The following SLX4IP variants were observed in gnomAD, a reference collection of about 807,000 sequenced individuals.
The protein encoded by SLX4IP is SLX4 interacting protein.
SLX4IP carries 34 observed loss-of-function variants against 32.9 expected under a neutral mutation model. The observed-to-expected ratio is 1.03, with a 90% CI of 0.79 to 1.38. The LOEUF (loss-of-function observed/expected upper bound fraction) is 1.38. SLX4IP is among the 40% of genes most tolerant of loss of function. The probability of loss-of-function intolerance (pLI) is 0.00; values close to 1 mark genes in which losing one functional copy is unlikely to be tolerated. For synonymous variants in SLX4IP, 172 were observed against 171.7 expected (o/e 1.00, Z -0.01); for missense variants, 444 against 479.0 (o/e 0.93, Z 0.68).
intron 6 of SLX4IP, among the ~76,000 whole-genome samples, chr20:10,618,590 G>A (rs1488462350): frequency 6.6e-6 from 1 of 152,144 alleles, no homozygotes; most frequent in Non-Finnish European, 1.5e-5. Context: ...TAATACCTGA[G>A]TCTCCATGGA....
At chr20:10,528,845 C>T (rs903880716) in intron 2 of SLX4IP, among the ~76,000 whole-genome samples, 4 of 152,180 alleles carry the variant, frequency 2.6e-5, no homozygotes, top group East Asian at 1.9e-4. Context: ...TTTTGTAATT[C>T]GGGATTTTTC....
chr20:10,604,091 G>C (rs4277587), intron 6 of SLX4IP, among the ~76,000 whole-genome samples: 110,722 of 152,086 alleles, frequency 0.73, 40,950 homozygotes, highest in African/African-American at 0.86. Flanking sequence ...CCCTGGACTT[G>C]CTTCAAGCTT....
At chr20:10,567,953 C>A (rs1028805487) in intron 4 of SLX4IP, among the ~76,000 whole-genome samples, 1 of 152,170 alleles carries the variant, frequency 6.6e-6, no homozygotes, top group Middle Eastern at 3.2e-3. Flanking sequence ...TCATAACTGG[C>A]GAGTGAAGCT....
chr20:10,485,454 A>G (rs899429821), intron 2 of SLX4IP, among the ~76,000 whole-genome samples: 4 of 152,000 alleles, frequency 2.6e-5, no homozygotes, highest in African/African-American at 7.2e-5. Context: ...TGTCTCTACT[A>G]AAAAAACAAA....
rs1230907050 is a variant in SLX4IP, at chr20:10,624,582, A to T, written c.*1203A>T. Reference sequence around the variant, plus strand: ...CATCTTTTTTTTTTTTCTGTTCAACATGGGGTGGTCCTTTGAAATGGCACC... The same window carrying T: ...CATCTTTTTTTTTTTTCTGTTCAACTTGGGGTGGTCCTTTGAAATGGCACC... On this transcript the variant is annotated 3_prime_UTR_variant, in exon 8 of 8. Coordinates refer to ENST00000334534, the MANE Select transcript of SLX4IP (RefSeq NM_001009608.3). 1 of 151,934 alleles carries T rather than the reference A, an allele frequency of 6.6e-6. No homozygotes were observed. The highest frequency in any genetic ancestry group is 1.5e-5 in the Non-Finnish European group (1 of 67,984). The allele number at this position is 151,934 out of a possible 1,614,324, so 9.4% of individuals were successfully genotyped here.
chr20:10,474,576 G>A (rs974786423), intron 2 of SLX4IP, among the ~76,000 whole-genome samples: 4 of 151,114 alleles, frequency 2.6e-5, no homozygotes, highest in South Asian at 2.1e-4. Context: ...TTTTTCCCCC[G>A]CTCCCATTTG....
chr20:10,518,543 TTC>T, intron 2 of SLX4IP, among the ~76,000 whole-genome samples: 1 of 92,798 alleles, frequency 1.1e-5, no homozygotes, highest in South Asian at 3.3e-4. Context: ...CCTTCCTTCC[TTC>T]CTTCCTTTCC....
At chr20:10,591,184 A>G (rs78330115) in intron 4 of SLX4IP, among the ~76,000 whole-genome samples, 3,721 of 152,286 alleles carry the variant, frequency 0.024, 91 homozygotes, top group Admixed American at 0.086. Flanking sequence ...CTCAGTTCAT[A>G]TAAAGGACAG....
intron 6 of SLX4IP, among the ~76,000 whole-genome samples, chr20:10,618,911 A>G (rs2122569264): frequency 7.9e-6 from 1 of 127,200 alleles, no homozygotes; most frequent in Non-Finnish European, 1.6e-5. Context: ...GCTGCTTCCT[A>G]AGGAATACTT....
chr20:10,512,443 C>T (rs2065814858), intron 2 of SLX4IP, among the ~76,000 whole-genome samples: 1 of 150,916 alleles, frequency 6.6e-6, no homozygotes, highest in African/African-American at 2.4e-5. Context: ...ATGGGTTTTG[C>T]TCTGTCAACC....
chr20:10,449,801 T>C (rs1600882477), intron 1 of SLX4IP, among the ~76,000 whole-genome samples: 1 of 152,310 alleles, frequency 6.6e-6, no homozygotes, highest in East Asian at 1.9e-4. Flanking sequence ...TATTTTACAT[T>C]GTCAGACCAT....
intron 6 of SLX4IP, among the ~76,000 whole-genome samples, chr20:10,610,203 C>T (rs1263071477): frequency 2.6e-5 from 4 of 152,014 alleles, no homozygotes; most frequent in African/African-American, 9.7e-5. Context: ...AAAATAACTT[C>T]CTTGATTATT....
At chr20:10,556,147 C>A in intron 2 of SLX4IP, 84 bp from the exon 3 acceptor site, 1 of 1,275,308 alleles carries the variant, frequency 7.8e-7, no homozygotes, top group Non-Finnish European at 1.1e-6. Flanking sequence ...CATGAGCAAC[C>A]ACATAGGAAT....
At chr20:10,560,197 A>G (rs766026960) in intron 3 of SLX4IP, among the ~76,000 whole-genome samples, 26 of 152,202 alleles carry the variant, frequency 1.7e-4, no homozygotes, top group Admixed American at 9.8e-4. Context: ...TGGGTTCCCC[A>G]TGCCGTTGCA....
rs1428625323 is a variant in SLX4IP at position 10,627,207 on chromosome 20, T to A, written c.*3828T>A. ...AGTTCTCTTTTCAGCGTGCTGTGAC[T>A]TGAATATGGAAATCATTTTAATTTC... is the stretch of plus-strand genomic sequence containing the variant. On this transcript the variant is annotated 3_prime_UTR_variant, in exon 8 of 8. Coordinates refer to ENST00000334534, the MANE Select transcript of SLX4IP (RefSeq NM_001009608.3). The A allele has an allele frequency of 3.3e-5, 5 of 152,254 alleles. No individual in the cohort carries two copies. The highest frequency in any genetic ancestry group is 7.3e-5 in the Non-Finnish European group (5 of 68,044). The allele number at this position is 152,254 out of a possible 1,614,324, so 9.4% of individuals were successfully genotyped here.
chr20:10,554,378 A>T (rs1488467996), intron 2 of SLX4IP, among the ~76,000 whole-genome samples: 1 of 152,204 alleles, frequency 6.6e-6, no homozygotes, highest in Non-Finnish European at 1.5e-5. Context: ...GGTTATTATA[A>T]ATAAAACTTC....
At chr20:10,543,455 A>C (rs1395725209) in intron 2 of SLX4IP, among the ~76,000 whole-genome samples, 1 of 152,208 alleles carries the variant, frequency 6.6e-6, no homozygotes, top group African/African-American at 2.4e-5. Flanking sequence ...CTCAGCATGT[A>C]AACTGCCCAG....
At chr20:10,556,612 A>C (rs1043247050) in intron 3 of SLX4IP, among the ~76,000 whole-genome samples, 8 of 152,218 alleles carry the variant, frequency 5.3e-5, no homozygotes, top group African/African-American at 1.9e-4. Flanking sequence ...AAGAAGAAGA[A>C]GAAGTTAAAG....
At chr20:10,489,462 AT>A (rs911797788) in intron 2 of SLX4IP, among the ~76,000 whole-genome samples, 1 of 151,914 alleles carries the variant, frequency 6.6e-6, no homozygotes, top group Non-Finnish European at 1.5e-5. Context: ...ATAGTGGATA[AT>A]TTTTTTTAAT....
Sources: gnomAD v4.1 joint callset for allele counts (sites outside exome capture counted in the v4.1 genomes callset) on GRCh38, gnomAD v4.1.1 for gene constraint, MANE v1.5 for transcripts, NCBI Gene and HGNC (gene_info 2026-07-23, HGNC 2026-07-21) for gene names.